RUNDC3B: variants seen among roughly 807,000 people sequenced by gnomAD.
The protein encoded by RUNDC3B is RUN domain-containing protein 3B.
A neutral mutation model predicts 58.4 loss-of-function variants in RUNDC3B; 33 were observed. The ratio of observed to expected loss-of-function variants is 0.56; its 90% CI spans 0.43 to 0.75. RUNDC3B has a LOEUF of 0.75. Ranked by LOEUF, RUNDC3B falls within the 30% of genes least tolerant of loss-of-function variation. RUNDC3B has a pLI of 0.00. For missense variants in RUNDC3B, 501 were observed against 535.7 expected (o/e 0.94, Z 0.64); for synonymous variants, 193 against 195.2 (o/e 0.99, Z 0.10).
At chr7:87,747,467 C>T (rs1832713015) in intron 6 of RUNDC3B, among the ~76,000 whole-genome samples, 1 of 152,146 alleles carries the variant, frequency 6.6e-6, no homozygotes, top group Admixed American at 6.5e-5. Context: ...GGCCTCTTGC[C>T]AGGAGGTGGC....
At chr7:87,655,651 G>A (rs546226674) in intron 2 of RUNDC3B, among the ~76,000 whole-genome samples, 17 of 152,248 alleles carry the variant, frequency 1.1e-4, no homozygotes, top group African/African-American at 4.1e-4. Flanking sequence ...TGTACAAAAT[G>A]TTGACTATAG....
chr7:87,696,574 T>C (rs1828512077), intron 2 of RUNDC3B, among the ~76,000 whole-genome samples: 1 of 152,200 alleles, frequency 6.6e-6, no homozygotes, highest in South Asian at 2.1e-4. Context: ...TTGGAGGTTC[T>C]AGCAAGAGAA....
At chr7:87,788,751 A>G (rs1270402124) in intron 8 of RUNDC3B, among the ~76,000 whole-genome samples, 1 of 114,106 alleles carries the variant, frequency 8.8e-6, no homozygotes, top group Non-Finnish European at 1.8e-5. Context: ...TTTAGGTTTT[A>G]GTAGGGTACA....
intron 10 of RUNDC3B, 108 bp from the exon 11 acceptor site, chr7:87,829,777 T>A: frequency 2.7e-6 from 2 of 739,570 alleles, no homozygotes; most frequent in Non-Finnish European, 4.3e-6. Flanking sequence ...TTGGGCAGTA[T>A]GGTCATTTTC....
intron 1 of RUNDC3B, among the ~76,000 whole-genome samples, chr7:87,637,776 T>C (rs1821939322): frequency 6.6e-6 from 1 of 152,108 alleles, no homozygotes; most frequent in African/African-American, 2.4e-5. Flanking sequence ...CTAACAGTCT[T>C]ACCAGATTTC....
intron 9 of RUNDC3B, among the ~76,000 whole-genome samples, chr7:87,808,066 T>C (rs910740432): frequency 8.5e-5 from 13 of 152,282 alleles, no homozygotes; most frequent in African/African-American, 3.1e-4. Context: ...GCTGTTTTCC[T>C]TTAGGTAATC....
In RUNDC3B at chr7:87,700,445, A is replaced by C; in HGVS notation, c.263A>C (p.Glu88Ala). 1.9e-6 allele frequency: 3 copies of C among 1,612,136 alleles called. No homozygotes were observed. Among genetic ancestry groups the C allele is most frequent in the Non-Finnish European group, 2.5e-6 (3 of 1,179,328 alleles). Residue 88 changes from glutamate (E) to alanine (A), a missense_variant, in exon 3 of 11, where the codon GAA becomes GCA. Coordinates refer to ENST00000394654, the MANE Select transcript of RUNDC3B (RefSeq NM_001134405.2). Reference protein sequence around the residue: ...LKGQVTWFGYESPRSFWDYIR... With the variant: ...LKGQVTWFGYASPRSFWDYIR... ...GGTCAAGTAACCTGGTTTGGTTATG[A>C]AAGTCCTCGTAGCTTCTGGGACTAT...
chr7:87,749,018 A>C (rs1173322557), intron 6 of RUNDC3B, among the ~76,000 whole-genome samples: 1 of 152,212 alleles, frequency 6.6e-6, no homozygotes, highest in African/African-American at 2.4e-5. Flanking sequence ...GAAAACTGAA[A>C]TGCGGAGAGG....
intron 9 of RUNDC3B, 137 bp downstream of exon 9, chr7:87,807,656 G>C (rs550975685): frequency 1.5e-6 from 1 of 662,376 alleles, no homozygotes; most frequent in African/African-American, 1.8e-5. Flanking sequence ...GGACTACTTT[G>C]GTAAGGTTAG....
intron 2 of RUNDC3B, chr7:87,659,151 G>A (rs1016316310): frequency 1.1e-4 from 43 of 397,928 alleles, no homozygotes; most frequent in African/African-American, 8.5e-4. Context: ...AATAGAATGA[G>A]ACCCTGTCTC....
chr7:87,726,438 TC>T (rs1217531319), intron 4 of RUNDC3B, among the ~76,000 whole-genome samples: 1 of 152,184 alleles, frequency 6.6e-6, no homozygotes, highest in East Asian at 1.9e-4. Flanking sequence ...TCTGTTCTGT[TC>T]CATTGGTCTA....
intron 8 of RUNDC3B, among the ~76,000 whole-genome samples, chr7:87,789,682 G>T (rs1440767063): frequency 6.6e-6 from 1 of 152,102 alleles, no homozygotes; most frequent in African/African-American, 2.4e-5. Context: ...ATCCAGAAGA[G>T]AAAAATGCCA....
chr7:87,629,609 G>GA (rs1820992726), intron 1 of RUNDC3B, among the ~76,000 whole-genome samples: 1 of 152,046 alleles, frequency 6.6e-6, no homozygotes, highest in Admixed American at 6.6e-5. Context: ...ATTTCCTTCA[G>GA]AAAAATATAG....
intron 2 of RUNDC3B, among the ~76,000 whole-genome samples, chr7:87,684,363 A>G (rs1213397861): frequency 6.6e-6 from 1 of 152,214 alleles, no homozygotes; most frequent in Non-Finnish European, 1.5e-5. Flanking sequence ...AAGTAACTGG[A>G]ATAGGCAAAA....
chr7:87,724,100 C>T (rs2130780475), intron 4 of RUNDC3B, among the ~76,000 whole-genome samples: 1 of 152,182 alleles, frequency 6.6e-6, no homozygotes. Context: ...GTGCCTGCCT[C>T]TACTCTCAGC....
chr7:87,651,714 G>A (rs1457203027), intron 2 of RUNDC3B, among the ~76,000 whole-genome samples: 2 of 152,020 alleles, frequency 1.3e-5, no homozygotes, highest in African/African-American at 4.8e-5. Flanking sequence ...AGCATCTCAG[G>A]CGTACTGTGA....
chr7:87,709,182 A>C, intron 3 of RUNDC3B: 1 of 896,672 alleles, frequency 1.1e-6, no homozygotes, highest in Non-Finnish European at 1.3e-6. Flanking sequence ...TTTTGTATGG[A>C]TTGAAATTAA....
At chr7:87,810,504 A>T (rs1014843622) in intron 9 of RUNDC3B, among the ~76,000 whole-genome samples, 23 of 152,232 alleles carry the variant, frequency 1.5e-4, no homozygotes, top group South Asian at 2.1e-4. Flanking sequence ...GTTACTAGGA[A>T]CTCAGAGTAG....
intron 1 of RUNDC3B, among the ~76,000 whole-genome samples, chr7:87,642,917 T>A (rs1021199778): frequency 3.9e-5 from 6 of 152,194 alleles, no homozygotes; most frequent in Non-Finnish European, 5.9e-5. Context: ...ATTTAATTTT[T>A]AAAATTTTCC....
Sources: allele counts gnomAD v4.1 joint callset (sites outside exome capture counted in the v4.1 genomes callset), GRCh38; gene constraint gnomAD v4.1.1; transcripts MANE v1.5; gene names NCBI Gene and HGNC (gene_info 2026-07-23, HGNC 2026-07-21).